The following HDAC4 variants were observed in gnomAD, a reference collection of about 807,000 sequenced individuals.
HDAC4 encodes the protein histone deacetylase 4, also known as histone deacetylase A.
In HDAC4, 16 loss-of-function variants were observed where a neutral mutation model predicts 135.1. The observed-to-expected ratio is 0.12, with a 90% confidence interval of 0.08 to 0.18. The LOEUF (loss-of-function observed/expected upper bound fraction) is 0.18. Ranked by LOEUF, HDAC4 falls within the 10% of genes least tolerant of loss-of-function variation. HDAC4 has a pLI of 1.00. For missense variants in HDAC4, 1,143 were observed against 1,511.8 expected (o/e 0.76, Z 4.05); for synonymous variants, 685 against 653.4 (o/e 1.05, Z -0.74).
intron 3 of HDAC4, among the ~76,000 whole-genome samples, chr2:239,232,076 C>T (rs574745801): frequency 2.6e-4 from 40 of 151,992 alleles, no homozygotes; most frequent in African/African-American, 9.7e-4. Context: ...CACCCCTCTC[C>T]TCAATCGAGG....
intron 25 of HDAC4, among the ~76,000 whole-genome samples, chr2:239,054,189 C>CCAT (rs2031395286): frequency 6.6e-6 from 1 of 152,148 alleles, no homozygotes; most frequent in African/African-American, 2.4e-5. Context: ...ACAGTCTCAA[C>CCAT]CATCTGGGTC....
chr2:239,101,792 C>T (rs540698602), intron 16 of HDAC4, among the ~76,000 whole-genome samples: 1 of 152,174 alleles, frequency 6.6e-6, no homozygotes, highest in South Asian at 2.1e-4. Context: ...GTTCTGTGCC[C>T]TGGAAGCCCC....
At chr2:239,345,440 G>A (rs1396949538) in intron 2 of HDAC4, among the ~76,000 whole-genome samples, 1 of 151,946 alleles carries the variant, frequency 6.6e-6, no homozygotes, top group African/African-American at 2.4e-5. Context: ...CATGCCAGAG[G>A]TGGTCCCAGC....
intron 2 of HDAC4, among the ~76,000 whole-genome samples, chr2:239,279,601 G>A (rs987643048): frequency 2.0e-5 from 3 of 152,210 alleles, no homozygotes; most frequent in Non-Finnish European, 4.4e-5. Flanking sequence ...GCAGCCCAGG[G>A]TGGAGTGAGC....
Position 239,366,959 on chromosome 2 carries a change from C to T in HDAC4, c.-219-14041G>A, listed in dbSNP as rs148346262. 1.9e-4 allele frequency among the ~76,000 whole-genome samples: 29 copies of T among 149,656 alleles called. 2 individuals carry two copies. In the Middle Eastern group the frequency reaches 0.01, roughly 53 times the overall value. ...CAAGCACGCGTAGCTTCACCAACAACGGGCCTGAATTGAGCTTCACCAACA... is the reference window on the plus strand; with the variant it reads ...CAAGCACGCGTAGCTTCACCAACAATGGGCCTGAATTGAGCTTCACCAACA... On this transcript the variant is annotated intron_variant, in intron 1 of 26. Coordinates refer to ENST00000543185, the MANE Select transcript of HDAC4 (RefSeq NM_001378414.1).
At chr2:239,342,762 C>A (rs1324696121) in intron 2 of HDAC4, among the ~76,000 whole-genome samples, 5 of 152,124 alleles carry the variant, frequency 3.3e-5, no homozygotes, top group Non-Finnish European at 7.4e-5. Flanking sequence ...GATGAGGGAG[C>A]CTGGGGTCCA....
At chr2:239,118,942 G>C (rs1355965684) in intron 12 of HDAC4, among the ~76,000 whole-genome samples, 2 of 152,184 alleles carry the variant, frequency 1.3e-5, no homozygotes, top group African/African-American at 2.4e-5. Flanking sequence ...AGGCCCTGTG[G>C]GGGGCAGGGA....
At chr2:239,292,195 G>A (rs1362519126) in intron 2 of HDAC4, among the ~76,000 whole-genome samples, 1 of 152,236 alleles carries the variant, frequency 6.6e-6, no homozygotes, top group Non-Finnish European at 1.5e-5. Flanking sequence ...TTTTGTCAGT[G>A]TGGCTGGGGA....
At chr2:239,325,422 A>G (rs535388641) in intron 2 of HDAC4, among the ~76,000 whole-genome samples, 2 of 152,368 alleles carry the variant, frequency 1.3e-5, no homozygotes, top group African/African-American at 4.8e-5. Context: ...GTGAAGAGAC[A>G]TTTATCCAAA....
At chr2:239,397,460 C>G (rs541001094) in intron 1 of HDAC4, among the ~76,000 whole-genome samples, 1 of 152,290 alleles carries the variant, frequency 6.6e-6, no homozygotes, top group South Asian at 2.1e-4. Context: ...GACAGTGATA[C>G]AGGAAGTCAC....
chr2:239,066,632 T>C (rs2033524881), intron 24 of HDAC4, 90 bp downstream of exon 24: 1 of 1,592,312 alleles, frequency 6.3e-7, no homozygotes, highest in East Asian at 2.2e-5. Context: ...CCCACTGGCT[T>C]TTTCATGCTC....
At chr2:239,213,613 A>G (rs1283630057) in intron 3 of HDAC4, among the ~76,000 whole-genome samples, 12 of 152,228 alleles carry the variant, frequency 7.9e-5, no homozygotes, top group Middle Eastern at 3.2e-3. Context: ...GGCCGGAGCC[A>G]CTACCCAACT....
At chr2:239,060,329 T>A (rs1194347458) in intron 24 of HDAC4, among the ~76,000 whole-genome samples, 1 of 152,210 alleles carries the variant, frequency 6.6e-6, no homozygotes, top group Non-Finnish European at 1.5e-5. Context: ...TGGTCACCAA[T>A]GTGTGGAGAA....
At chr2:239,392,931 TCGGGTCCCCCAG>T (rs1265246028) in intron 1 of HDAC4, among the ~76,000 whole-genome samples, 3 of 152,150 alleles carry the variant, frequency 2.0e-5, no homozygotes, top group Non-Finnish European at 4.4e-5. Context: ...GGGTGCCAGC[TCGGGTCCCCCAG>T]CGGGTCCCCT....
At chr2:239,269,927 TATC>T (rs949855154) in intron 2 of HDAC4, among the ~76,000 whole-genome samples, 3 of 152,234 alleles carry the variant, frequency 2.0e-5, no homozygotes, top group African/African-American at 7.2e-5. Flanking sequence ...AATTGCACAT[TATC>T]ATGTGTCAGG....
intron 1 of HDAC4, among the ~76,000 whole-genome samples, chr2:239,362,316 C>G (rs1216676563): frequency 1.3e-5 from 2 of 152,202 alleles, no homozygotes; most frequent in African/African-American, 4.8e-5. Context: ...ATTTCCTTCA[C>G]CAAACACTTG....
At chr2:239,279,441 T>C (rs895142046) in intron 2 of HDAC4, among the ~76,000 whole-genome samples, 5 of 152,182 alleles carry the variant, frequency 3.3e-5, no homozygotes, top group Admixed American at 6.5e-5. Flanking sequence ...TCAAAGAAAC[T>C]AAGTAATGCT....
intron 24 of HDAC4, among the ~76,000 whole-genome samples, chr2:239,062,620 A>G (rs904528713): frequency 3.9e-5 from 6 of 152,276 alleles, no homozygotes; most frequent in Admixed American, 3.3e-4. Context: ...CAGAAGAACC[A>G]TAAGGCTTCG....
At chr2:239,247,008 G>A (rs999299419) in intron 2 of HDAC4, among the ~76,000 whole-genome samples, 5 of 152,222 alleles carry the variant, frequency 3.3e-5, no homozygotes, top group Non-Finnish European at 7.3e-5. Context: ...CGTCAAATAG[G>A]AACGCTGCAA....
Sources: allele counts gnomAD v4.1 joint callset (sites outside exome capture counted in the v4.1 genomes callset), GRCh38; gene constraint gnomAD v4.1.1; transcripts MANE v1.5; gene names NCBI Gene and HGNC (gene_info 2026-07-23, HGNC 2026-07-21).